The following TAF1 variants were observed in gnomAD, a reference collection of about 807,000 sequenced individuals.
TAF1 encodes the protein transcription initiation factor TFIID subunit 1.
In TAF1, 2 loss-of-function variants were observed where a neutral mutation model predicts 138.5. The ratio of observed to expected loss-of-function variants is 0.01; its 90% CI spans 0.01 to 0.05. The LOEUF (loss-of-function observed/expected upper bound fraction) is 0.05. Among genes scored for constraint, TAF1 ranks in the 10% least tolerant of loss-of-function variants. The probability of loss-of-function intolerance (pLI) is 1.00; values close to 1 mark genes in which losing one functional copy is unlikely to be tolerated. For missense variants in TAF1, 709 were observed against 1,478.0 expected (o/e 0.48, Z 8.53); for synonymous variants, 437 against 503.2 (o/e 0.87, Z 1.76).
intron 8 of TAF1, among the ~76,000 whole-genome samples, chrX:71,381,517 G>A (rs561404117): frequency 1.8e-5 from 2 of 111,735 alleles, no homozygotes; most frequent in East Asian, 2.8e-4. Flanking sequence ...CACCTGCCTC[G>A]GCCTCCCAAA....
chrX:71,512,693 C>T (rs1229045165), intron 13 of TAF1, among the ~76,000 whole-genome samples: 1 of 111,263 alleles, frequency 9.0e-6, no homozygotes, highest in Non-Finnish European at 1.9e-5. Context: ...TGGCTCATGA[C>T]TGTAGTCCCA....
In TAF1 at chrX:71,377,730, G is replaced by C. The variant is rs138231026; in HGVS notation, c.842G>C (p.Cys281Ser). ...GAAGAGCAGATCCAGGAGGTGGAGT[G>C]CTCAGTAGAATCAGAAGTCAGCCAG... is the stretch of plus-strand genomic sequence containing the variant. ...IQEEQIQEVE[C>S]SVESEVSQKS... The change falls in exon 6 of 38, where the codon TGC becomes TCC. Residue 281 changes from cysteine to serine, a missense_variant. Physicochemically the swap from Cys to Ser is moderately radical, Grantham distance 112 (BLOSUM62 -1). This residue lies in a region of TAF1 where 26 missense variants were observed against 20.9 expected (regional missense o/e 1.25). Transcript: ENST00000423759. The C allele has an allele frequency of 2.2e-4, 265 of 1,209,765 alleles. No individual in the cohort carries two copies. The highest frequency in any genetic ancestry group is 2.7e-4 in the Non-Finnish European group (245 of 895,307).
In TAF1 at chrX:71,394,166, G is replaced by A. The variant is rs772692246; in HGVS notation, c.3327G>A (p.Leu1109=). The A allele has an allele frequency of 4.3e-5, 52 of 1,210,776 alleles. 1 individual carries two copies. The South Asian group carries it at 7.9e-4, about 18-fold the overall frequency. ...EEMGKNIENM[L]QNKKTSSQLS... ...TGGGAAAGAACATTGAGAACATGTT[G>A]CAGAACAAGAAAACCAGCTCTCAGC... The change falls in exon 22 of 38, where the codon TTG becomes TTA. Residue 1109 remains leucine (L), a synonymous_variant. Coordinates refer to ENST00000423759, the MANE Select transcript of TAF1 (RefSeq NM_004606.5).
rs57353868 is a variant in TAF1, at chrX:71,417,875, A to T, written c.4385-3434A>T. Reference sequence around the variant, plus strand: ...CTATTTATACTAATACTCTATTTTTAAAAAAAATTATGGAAATTGTTAGAC... The same window carrying T: ...CTATTTATACTAATACTCTATTTTTTAAAAAAATTATGGAAATTGTTAGAC... On this transcript the variant is annotated intron_variant, in intron 28 of 37. Coordinates refer to ENST00000423759, the MANE Select transcript of TAF1 (RefSeq NM_004606.5). 5.7e-4 allele frequency among the ~76,000 whole-genome samples: 63 copies of T among 111,502 alleles called. No homozygotes were observed. In the East Asian group the frequency reaches 9.8e-3, roughly 17 times the overall value.
At chrX:71,453,100 AG>A (rs1362413612) in intron 32 of TAF1, among the ~76,000 whole-genome samples, 4 of 109,818 alleles carry the variant, frequency 3.6e-5, no homozygotes, top group Non-Finnish European at 7.6e-5. Context: ...AGAGAGGGAG[AG>A]GAGGGAGAGG....
chrX:71,437,674 A>G (rs902348247), intron 32 of TAF1, among the ~76,000 whole-genome samples: 3 of 109,082 alleles, frequency 2.8e-5, no homozygotes, highest in Non-Finnish European at 5.7e-5. Flanking sequence ...GAAAAAGAGA[A>G]ATATTTCCAT....
intron 32 of TAF1, among the ~76,000 whole-genome samples, chrX:71,442,648 A>G (rs1164098038): frequency 8.9e-6 from 1 of 112,047 alleles, no homozygotes; most frequent in Non-Finnish European, 1.9e-5. Context: ...TTTGCTGTGC[A>G]GAAGCTCTTA....
chrX:71,507,997 TAAATA>T (rs1311568071), intron 13 of TAF1, among the ~76,000 whole-genome samples: 2 of 103,672 alleles, frequency 1.9e-5, no homozygotes, highest in Non-Finnish European at 3.9e-5. Flanking sequence ...TCAAAAAAAT[TAAATA>T]AAATAATACA....
At chrX:71,498,029 G>T (rs2039428809) in intron 13 of TAF1, among the ~76,000 whole-genome samples, 1 of 111,827 alleles carries the variant, frequency 8.9e-6, no homozygotes, top group African/African-American at 3.2e-5. Context: ...TGATTAGCTA[G>T]AAAGTTCAAG....
chrX:71,424,508 A>G (rs1351615600), intron 32 of TAF1, among the ~76,000 whole-genome samples: 1 of 106,447 alleles, frequency 9.4e-6, no homozygotes, highest in Non-Finnish European at 1.9e-5. Context: ...CGGCTTCCCA[A>G]AATGCTGGGA....
chrX:71,456,344 C>T (rs1393422348), intron 34 of TAF1, among the ~76,000 whole-genome samples: 1 of 111,844 alleles, frequency 8.9e-6, no homozygotes, highest in Non-Finnish European at 1.9e-5. Context: ...TCATTTGGTG[C>T]AGTTAGAGGG....
At chrX:71,428,748 C>CT (rs2036723014) in intron 32 of TAF1, among the ~76,000 whole-genome samples, 1 of 111,889 alleles carries the variant, frequency 8.9e-6, no homozygotes. Flanking sequence ...ACCTAATAAG[C>CT]TCTTTTTTGG....
intron 32 of TAF1, among the ~76,000 whole-genome samples, chrX:71,451,729 C>T (rs1466849510): frequency 1.8e-5 from 2 of 109,977 alleles, no homozygotes. Context: ...ACATCTTGCA[C>T]CGCCCTTAAT....
rs1556033075 is a variant in TAF1, at chrX:71,508,086, CTATATA to C, written c.1367-20434_1367-20429del. 3.0e-3 allele frequency among the ~76,000 whole-genome samples: 281 copies of C among 92,173 alleles called. 6 individuals are homozygous for C. The highest frequency in any genetic ancestry group is 0.027 in the Admixed American group (228 of 8,583). 80.0% of individuals were successfully genotyped at this position (92,173 alleles called of 115,157 possible). ...GAATATTCTCTCTCTCTCTCTCTCT[CTATATA>C]TATATATATATATATATATATGAAT... On this transcript the variant is annotated intron_variant and NMD_transcript_variant, in intron 13 of 14. Coordinates refer to the TAF1 transcript ENST00000373775.
chrX:71,473,686 C>T (rs2038930302), intron 13 of TAF1, among the ~76,000 whole-genome samples: 1 of 108,910 alleles, frequency 9.2e-6, no homozygotes, highest in Admixed American at 1.0e-4. Context: ...CATGATACCC[C>T]CGACTCTTAA....
At position 71,465,147 on chromosome X, in the gene TAF1, A is replaced by AT. The variant is rs1434329053; in HGVS notation, c.*1102dup. ...TGTTACTGAGCATCTGCTTTTCATG[A>AT]TAAGCACTCTATCAGATCCTTGGGA... On this transcript the variant is annotated 3_prime_UTR_variant, in exon 38 of 38. Transcript: ENST00000423759. 1.8e-5 allele frequency: 2 copies of AT among 111,803 alleles called. No individual in the cohort carries two copies. The highest frequency in any genetic ancestry group is 6.5e-5 in the African/African-American group (2 of 30,738). The allele number at this position is 111,803 out of a possible 1,213,427, so 9.2% of individuals were successfully genotyped here. A position where few individuals can be genotyped will look rare whatever the true frequency, so the allele number is the denominator to read the frequency against.
intron 3 of TAF1, among the ~76,000 whole-genome samples, chrX:71,369,408 G>A (rs1255888675): frequency 9.0e-6 from 1 of 111,669 alleles, no homozygotes; most frequent in Non-Finnish European, 1.9e-5. Flanking sequence ...TCAGTGAGTG[G>A]AAGGAGTCTT....
Position 71,388,719 on chromosome X carries a change from A to G in TAF1, c.2570-19A>G, listed in dbSNP as rs955374806. On this transcript the variant is annotated intron_variant, in intron 16 of 37. Coordinates refer to ENST00000423759, the MANE Select transcript of TAF1 (RefSeq NM_004606.5). ...GGAATTCAGAATGGTCTCATTCTCT[A>G]TGTATATGTCTTTTCCAGGGATGGA... is the stretch of plus-strand genomic sequence containing the variant. The G allele has an allele frequency of 1.4e-5, 17 of 1,210,962 alleles. No homozygotes were observed. The highest frequency in any genetic ancestry group is 4.4e-5 in the Admixed American group (2 of 45,902).
intron 32 of TAF1, among the ~76,000 whole-genome samples, chrX:71,432,899 C>T (rs2036960745): frequency 8.9e-6 from 1 of 111,963 alleles, no homozygotes; most frequent in African/African-American, 3.2e-5. Context: ...TACTTTATAT[C>T]CCCTCTCCAA....
Sources: gnomAD v4.1 joint callset for allele counts (sites outside exome capture counted in the v4.1 genomes callset) on GRCh38, gnomAD v4.1.1 for gene constraint, gnomAD v4.1.1 regional missense constraint, MANE v1.5 for transcripts, NCBI Gene and HGNC (gene_info 2026-07-23, HGNC 2026-07-21) for gene names.